Variants in GRAMD1B observed in about 807,000 individuals in gnomAD.
The protein encoded by GRAMD1B is GRAM domain containing 1B.
Under a neutral mutation model 99.7 loss-of-function variants are expected in GRAMD1B, and 37 were observed. That is an observed-to-expected ratio of 0.37 (90% CI 0.29 to 0.49). The LOEUF is 0.49. GRAMD1B is among the 20% of genes least tolerant of loss of function. The pLI, the probability that GRAMD1B is intolerant of heterozygous loss-of-function variation, is 0.98. For missense variants in GRAMD1B, 888 were observed against 1,009.2 expected, an observed-to-expected ratio of 0.88 and a Z score of 1.63; for synonymous variants, 427 against 387.6, an observed-to-expected ratio of 1.10 and a Z score of -1.19.
At chr11:123,481,558 G>T (rs181330012) in intron 2 of GRAMD1B, among the ~76,000 whole-genome samples, 1 of 152,224 alleles carries the variant, frequency 6.6e-6, no homozygotes, top group Non-Finnish European at 1.5e-5. Flanking sequence ...GGCATTTTGT[G>T]CCTGAGGAAG....
intron 1 of GRAMD1B, among the ~76,000 whole-genome samples, chr11:123,411,788 C>T (rs1948061799): frequency 6.6e-6 from 1 of 152,146 alleles, no homozygotes; most frequent in African/African-American, 2.4e-5. Flanking sequence ...GCTGGGACTA[C>T]AGGTGTGCAC....
intron 1 of GRAMD1B, among the ~76,000 whole-genome samples, chr11:123,422,670 C>A (rs528430531): frequency 6.6e-6 from 1 of 152,334 alleles, no homozygotes; most frequent in East Asian, 1.9e-4. Flanking sequence ...CTACACTTGA[C>A]CTCAGCCAAA....
At chr11:123,445,699 C>CTCA (rs1267267351) in intron 1 of GRAMD1B, among the ~76,000 whole-genome samples, 1 of 151,458 alleles carries the variant, frequency 6.6e-6, no homozygotes, top group African/African-American at 2.4e-5. Flanking sequence ...CGCCTGTAGT[C>CTCA]TCAGCTACTC....
chr11:123,462,760 C>T (rs1950484693), intron 1 of GRAMD1B, among the ~76,000 whole-genome samples: 2 of 151,880 alleles, frequency 1.3e-5, no homozygotes, highest in African/African-American at 4.8e-5. Flanking sequence ...GCCGCAGGGT[C>T]CTCTGCCTAG....
At chr11:123,506,471 G>A (rs918108506) in intron 2 of GRAMD1B, among the ~76,000 whole-genome samples, 1 of 151,912 alleles carries the variant, frequency 6.6e-6, no homozygotes, top group African/African-American at 2.4e-5. Context: ...AATACCCAGG[G>A]TAAAGCAATT....
chr11:123,480,568 G>A (rs868784755), intron 1 of GRAMD1B, among the ~76,000 whole-genome samples: 8 of 152,260 alleles, frequency 5.3e-5, no homozygotes, highest in Middle Eastern at 3.4e-3. Flanking sequence ...GTAGCAGGGC[G>A]AGATGGGCCT....
intron 1 of GRAMD1B, among the ~76,000 whole-genome samples, chr11:123,466,320 A>AAG (rs755476690): frequency 0.059 from 5,179 of 87,886 alleles, 153 homozygotes; most frequent in Admixed American, 0.12. Flanking sequence ...GAGAAAGAGA[A>AAG]AGAAAGAAAG....
rs1023001052 is a variant in GRAMD1B at position 123,606,871 on chromosome 11, G to A, written c.1513+73G>A. 11 of 1,175,486 alleles carry A rather than the reference G, an allele frequency of 9.4e-6. No individual in the cohort carries two copies. In the African/African-American group the frequency reaches 1.5e-4, roughly 16 times the overall value. The allele number at this position is 1,175,486 out of a possible 1,614,324, so 72.8% of individuals were successfully genotyped here. ...GGCTAAAAGGAGATCTCTATGTGGG[G>A]ACTGTAGTTAGTCTCTAGGTTCCTG... On this transcript the variant is annotated intron_variant, in intron 11 of 19. Coordinates refer to ENST00000635736, the MANE Select transcript of GRAMD1B (RefSeq NM_001387025.1).
intron 2 of GRAMD1B, among the ~76,000 whole-genome samples, chr11:123,489,283 G>T (rs1250597042): frequency 6.6e-6 from 1 of 152,154 alleles, no homozygotes; most frequent in Non-Finnish European, 1.5e-5. Context: ...CATGTAGAGT[G>T]AACTACTCAT....
At chr11:123,502,543 G>A (rs1939969925) in intron 2 of GRAMD1B, among the ~76,000 whole-genome samples, 1 of 152,064 alleles carries the variant, frequency 6.6e-6, no homozygotes, top group African/African-American at 2.4e-5. Flanking sequence ...GGGAAGCTGG[G>A]GCAGGTGGAT....
At chr11:123,582,431 T>C (rs1345612754) in intron 3 of GRAMD1B, among the ~76,000 whole-genome samples, 3 of 152,158 alleles carry the variant, frequency 2.0e-5, no homozygotes, top group Non-Finnish European at 4.4e-5. Context: ...TGCTGAGACC[T>C]CTGAATTGGA....
Position 123,605,336 on chromosome 11 carries a change from T to G in GRAMD1B, c.1181T>G (p.Ile394Ser), listed in dbSNP as rs766462983. 8.1e-6 allele frequency: 13 copies of G among 1,610,294 alleles called. No individual in the cohort carries two copies. The highest frequency in any genetic ancestry group is 1.1e-5 in the Non-Finnish European group (13 of 1,177,886). ...DFNTMGYCEE[I>S]PVEENEVNDS... ...TCTCCTCTCAGATACTGTGAAGAGATCCCTGTGGAAGAGAATGAAGTGAAT... is the reference window on the plus strand; with the variant it reads ...TCTCCTCTCAGATACTGTGAAGAGAGCCCTGTGGAAGAGAATGAAGTGAAT... Residue 394 changes from isoleucine (I) to serine (S), a missense_variant, in exon 10 of 20, where the codon ATC becomes AGC. Physicochemically the swap from Ile to Ser is moderately radical, Grantham distance 142 (BLOSUM62 -2). This residue lies in a region of GRAMD1B where 269 missense variants were observed against 296.6 expected (regional missense o/e 0.91). Transcript: ENST00000635736.
At chr11:123,493,025 A>G (rs896525032) in intron 2 of GRAMD1B, among the ~76,000 whole-genome samples, 1 of 152,204 alleles carries the variant, frequency 6.6e-6, no homozygotes, top group African/African-American at 2.4e-5. Context: ...ACCGATATTC[A>G]GCGCTGTGCC....
intron 1 of GRAMD1B, among the ~76,000 whole-genome samples, chr11:123,361,790 T>C (rs1055793118): frequency 6.6e-6 from 1 of 152,194 alleles, no homozygotes; most frequent in African/African-American, 2.4e-5. Flanking sequence ...GGGTCTGCAT[T>C]GCACATCTGC....
chr11:123,569,785 G>A (rs908886637), intron 2 of GRAMD1B, among the ~76,000 whole-genome samples: 1 of 152,214 alleles, frequency 6.6e-6, no homozygotes, highest in Non-Finnish European at 1.5e-5. Flanking sequence ...GGATAACAGG[G>A]TAGTCTTCTC....
intron 19 of GRAMD1B, among the ~76,000 whole-genome samples, chr11:123,621,908 C>CT (rs1424072221): frequency 1.8e-4 from 27 of 151,544 alleles, no homozygotes; most frequent in African/African-American, 5.1e-4. Context: ...TTTTCTCTTT[C>CT]TTTCTTTTCT....
In GRAMD1B at chr11:123,627,577, G is replaced by A. The variant is rs1484476149; in HGVS notation, c.*4982G>A. 1 of 152,300 alleles carries A rather than the reference G, an allele frequency of 6.6e-6. No homozygotes were observed. Among genetic ancestry groups the A allele is most frequent in the South Asian group, 2.1e-4 (1 of 4,836 alleles). The allele number at this position is 152,300 out of a possible 1,614,324, so 9.4% of individuals were successfully genotyped here. A position where few individuals can be genotyped will look rare whatever the true frequency, so the allele number is the denominator to read the frequency against. On this transcript the variant is annotated 3_prime_UTR_variant, in exon 20 of 20. Transcript: ENST00000635736. The stretch of plus-strand genomic sequence containing the variant: ...ATCTATGGGAAAGAACACGGGTCGA[G>A]TGCAGTCGAGTTGTCTGGCCATCTG...
At chr11:123,577,344 C>T (rs1483297865) in intron 2 of GRAMD1B, 23 bp from the exon 3 acceptor site, 1 of 1,553,984 alleles carries the variant, frequency 6.4e-7, no homozygotes, top group Non-Finnish European at 8.7e-7. Flanking sequence ...CACCCCGCTC[C>T]CTCTCTCCAT....
chr11:123,618,491 A>G (rs975171406), intron 17 of GRAMD1B: 16 of 871,316 alleles, frequency 1.8e-5, no homozygotes, highest in Non-Finnish European at 2.8e-5. Flanking sequence ...GCCCCTCTCC[A>G]TGGCTCTCCC....
Sources: allele counts gnomAD v4.1 joint callset (sites outside exome capture counted in the v4.1 genomes callset), GRCh38; gene constraint gnomAD v4.1.1; regional missense constraint gnomAD v4.1.1; transcripts MANE v1.5; gene names NCBI Gene and HGNC (gene_info 2026-07-23, HGNC 2026-07-21).